MAD1L1: variants seen among roughly 807,000 people sequenced by gnomAD.
The protein encoded by MAD1L1 is mitotic arrest deficient 1 like 1, also known as mitotic spindle assembly checkpoint protein MAD1.
In MAD1L1, 95 loss-of-function variants were observed where a neutral mutation model predicts 96.9. That is an observed-to-expected ratio of 0.98 (90% CI 0.83 to 1.16). The LOEUF is 1.16. Ranked by LOEUF, MAD1L1 falls within the 50% of genes most tolerant of loss-of-function variation. The pLI is 0.00. For synonymous variants in MAD1L1, 473 were observed against 396.6 expected (o/e 1.19, Z -2.29); for missense variants, 1,007 against 954.4 (o/e 1.06, Z -0.73).
chr7:2,128,061 G>A (rs1426921669), intron 11 of MAD1L1, among the ~76,000 whole-genome samples: 2 of 152,166 alleles, frequency 1.3e-5, no homozygotes, highest in African/African-American at 2.4e-5. Flanking sequence ...TTAAATCACA[G>A]TCGTCGGTTA....
intron 17 of MAD1L1, among the ~76,000 whole-genome samples, chr7:1,906,500 C>A (rs1656836789): frequency 6.6e-6 from 1 of 152,230 alleles, no homozygotes; most frequent in Admixed American, 6.5e-5. Context: ...TCTCCTGCAC[C>A]CTGCTTCTCC....
intron 15 of MAD1L1, among the ~76,000 whole-genome samples, chr7:1,959,078 C>A (rs761112099): frequency 1.1e-4 from 17 of 152,094 alleles, no homozygotes; most frequent in African/African-American, 3.9e-4. Flanking sequence ...ATGGCGTAAC[C>A]CCTTCTCTAC....
chr7:1,844,583 G>A (rs1783484341), intron 18 of MAD1L1, among the ~76,000 whole-genome samples: 1 of 152,160 alleles, frequency 6.6e-6, no homozygotes, highest in African/African-American at 2.4e-5. Context: ...AGCTGGCCCA[G>A]GAAGGTGCTC....
chr7:2,162,332 G>A (rs968978139), intron 10 of MAD1L1, among the ~76,000 whole-genome samples: 14 of 152,116 alleles, frequency 9.2e-5, no homozygotes, highest in African/African-American at 3.4e-4. Flanking sequence ...TCCACTCAGG[G>A]TTAAATGGAT....
intron 11 of MAD1L1, among the ~76,000 whole-genome samples, chr7:2,079,511 G>A (rs543214659): frequency 2.0e-5 from 3 of 152,300 alleles, no homozygotes; most frequent in Admixed American, 2.0e-4. Flanking sequence ...TGCCTCTGAT[G>A]AACGCTCTGT....
chr7:1,904,753 G>C (rs1361709870), intron 17 of MAD1L1, among the ~76,000 whole-genome samples: 1 of 127,290 alleles, frequency 7.9e-6, no homozygotes, highest in African/African-American at 3.7e-5. Flanking sequence ...CACTGTTCCA[G>C]GCAGCAAGCA....
At chr7:1,900,298 C>T (rs964675145) in intron 17 of MAD1L1, among the ~76,000 whole-genome samples, 1 of 152,254 alleles carries the variant, frequency 6.6e-6, no homozygotes, top group Admixed American at 6.5e-5. Context: ...ACCACGTTAG[C>T]AGCATCCAGA....
At chr7:2,229,798 G>A (rs2115028761) in intron 3 of MAD1L1, among the ~76,000 whole-genome samples, 186 bp downstream of exon 3, 1 of 152,398 alleles carries the variant, frequency 6.6e-6, no homozygotes. Context: ...GGATGGCTCA[G>A]GGCCCCAACT....
chr7:2,084,232 CTGTGCTG>C (rs1184665863), intron 11 of MAD1L1, among the ~76,000 whole-genome samples: 2 of 152,224 alleles, frequency 1.3e-5, no homozygotes, highest in African/African-American at 4.8e-5. Context: ...TAAAGCTCTG[CTGTGCTG>C]GTGAATACTG....
At chr7:1,914,718 A>G (rs1013782753) in intron 17 of MAD1L1, among the ~76,000 whole-genome samples, 3 of 152,186 alleles carry the variant, frequency 2.0e-5, no homozygotes, top group Non-Finnish European at 4.4e-5. Context: ...GGCCCAAGCC[A>G]TTGTCCTGCC....
At chr7:2,063,672 T>C (rs189215841) in intron 12 of MAD1L1, among the ~76,000 whole-genome samples, 2 of 152,282 alleles carry the variant, frequency 1.3e-5, no homozygotes, top group Admixed American at 6.5e-5. Flanking sequence ...TCCAGCAACG[T>C]GGGCCCATTT....
intron 18 of MAD1L1, among the ~76,000 whole-genome samples, chr7:1,886,207 G>C (rs763582714): frequency 6.6e-6 from 1 of 152,250 alleles, no homozygotes. Context: ...CACTGTCTAA[G>C]GGGCTTGTCC....
intron 11 of MAD1L1, among the ~76,000 whole-genome samples, chr7:2,105,722 G>C (rs1280481983): frequency 2.6e-5 from 4 of 152,042 alleles, no homozygotes; most frequent in Non-Finnish European, 5.9e-5. Flanking sequence ...GCACGGTCCA[G>C]TAAGAGACCA....
chr7:1,980,604 C>A, intron 14 of MAD1L1, 63 bp from the exon 15 acceptor site: 1 of 1,357,914 alleles, frequency 7.4e-7, no homozygotes, highest in Non-Finnish European at 1.0e-6. Flanking sequence ...GTGGGGAACC[C>A]CAGCCCAGGC....
chr7:2,044,019 C>T (rs1783811040), intron 12 of MAD1L1, among the ~76,000 whole-genome samples: 1 of 152,228 alleles, frequency 6.6e-6, no homozygotes, highest in Non-Finnish European at 1.5e-5. Flanking sequence ...AGCAATGCTC[C>T]AGCAACCACA....
intron 12 of MAD1L1, among the ~76,000 whole-genome samples, chr7:2,033,848 C>G (rs1042475670): frequency 1.3e-5 from 2 of 152,234 alleles, no homozygotes; most frequent in Admixed American, 6.5e-5. Flanking sequence ...CTCACACCTG[C>G]AATCCCAGCA....
At chr7:2,158,569 T>C (rs551591613) in intron 10 of MAD1L1, among the ~76,000 whole-genome samples, 4 of 152,330 alleles carry the variant, frequency 2.6e-5, no homozygotes, top group Non-Finnish European at 4.4e-5. Context: ...GCGAAAAGTA[T>C]GCAGAAATAG....
intron 17 of MAD1L1, among the ~76,000 whole-genome samples, chr7:1,905,648 C>G (rs1787582258): frequency 6.6e-6 from 1 of 152,236 alleles, no homozygotes; most frequent in Non-Finnish European, 1.5e-5. Flanking sequence ...AAGCACTGTT[C>G]CAGGTGCTTG....
chr7:2,009,182 G>A (rs1046555544), intron 13 of MAD1L1, among the ~76,000 whole-genome samples: 3 of 152,176 alleles, frequency 2.0e-5, no homozygotes, highest in Non-Finnish European at 2.9e-5. Context: ...TGGCACCACC[G>A]AGGTGCTGCA....
Sources: gnomAD v4.1 joint callset for allele counts (sites outside exome capture counted in the v4.1 genomes callset) on GRCh38, gnomAD v4.1.1 for gene constraint, MANE v1.5 for transcripts, NCBI Gene and HGNC (gene_info 2026-07-23, HGNC 2026-07-21) for gene names.